MED13L: variants seen among roughly 807,000 people sequenced by gnomAD.
MED13L encodes mediator complex subunit 13L.
MED13L carries 7 observed loss-of-function variants against 220.9 expected under a neutral mutation model. The ratio of observed to expected loss-of-function variants is 0.03; its 90% CI spans 0.02 to 0.06. MED13L has a LOEUF of 0.06. MED13L is among the 10% of genes least tolerant of loss of function. MED13L has a pLI of 1.00. For synonymous variants in MED13L, 1,011 were observed against 1,015.2 expected, an observed-to-expected ratio of 1.00 and a Z score of 0.08; for missense variants, 1,965 against 2,760.5, an observed-to-expected ratio of 0.71 and a Z score of 6.46.
intron 2 of MED13L, among the ~76,000 whole-genome samples, chr12:116,184,092 A>T (rs1880722268): frequency 6.6e-6 from 1 of 152,168 alleles, no homozygotes; most frequent in Non-Finnish European, 1.5e-5. Context: ...AATCCAATGA[A>T]CTGATTTTAA....
intron 2 of MED13L, among the ~76,000 whole-genome samples, chr12:116,181,984 C>T (rs919343387): frequency 3.4e-4 from 52 of 152,132 alleles, no homozygotes; most frequent in African/African-American, 1.2e-3. Context: ...GACCTAAAAC[C>T]ATATTGCAAA....
At chr12:116,202,705 T>C (rs1565926284) in intron 2 of MED13L, among the ~76,000 whole-genome samples, 2 of 152,248 alleles carry the variant, frequency 1.3e-5, no homozygotes, top group Non-Finnish European at 1.5e-5. Context: ...GGAACTCCCC[T>C]CTCTCTAAAA....
chr12:116,113,935 A>C (rs1364419117), intron 2 of MED13L, among the ~76,000 whole-genome samples: 1 of 152,058 alleles, frequency 6.6e-6, no homozygotes, highest in African/African-American at 2.4e-5. Flanking sequence ...TAAATTCCTA[A>C]GCCAAATAAT....
chr12:116,080,662 T>C (rs1261775617), intron 4 of MED13L, among the ~76,000 whole-genome samples: 1 of 152,224 alleles, frequency 6.6e-6, no homozygotes, highest in East Asian at 1.9e-4. Flanking sequence ...GAAACGTTTT[T>C]TCCGTGGTAG....
chr12:116,220,736 A>T (rs1222349556), intron 2 of MED13L, among the ~76,000 whole-genome samples: 1 of 152,176 alleles, frequency 6.6e-6, no homozygotes. Flanking sequence ...TTTTGCTTTG[A>T]TATACATATA....
chr12:115,972,385 ATAG>A, intron 25 of MED13L, 149 bp from the exon 26 acceptor site: 1 of 876,578 alleles, frequency 1.1e-6, no homozygotes, highest in Non-Finnish European at 1.8e-6. Context: ...CCTCCTTGCT[ATAG>A]AGAATGTTAC....
chr12:116,164,004 T>G (rs1234561893), intron 2 of MED13L, among the ~76,000 whole-genome samples: 1 of 152,098 alleles, frequency 6.6e-6, no homozygotes, highest in Non-Finnish European at 1.5e-5. Flanking sequence ...AAAAGGGAAA[T>G]ATTTTAAGTT....
At chr12:116,247,692 T>C (rs1449702319) in intron 1 of MED13L, among the ~76,000 whole-genome samples, 3 of 152,084 alleles carry the variant, frequency 2.0e-5, no homozygotes, top group Admixed American at 6.6e-5. Flanking sequence ...TGCTAACGTA[T>C]ATATATATAC....
chr12:115,972,418 A>G, intron 25 of MED13L, 182 bp from the exon 26 acceptor site: 3 of 705,806 alleles, frequency 4.3e-6, no homozygotes, highest in Non-Finnish European at 7.2e-6. Flanking sequence ...ATTACACTTC[A>G]TTAACAAAGG....
In MED13L at chr12:116,102,704, T is replaced by C. The variant is rs867535587; in HGVS notation, c.396-5952A>G. Among the ~76,000 whole-genome samples the C allele has an allele frequency of 3.3e-3, 268 of 81,828 alleles. 5 individuals carry two copies. The highest frequency in any genetic ancestry group is 0.014 in the Middle Eastern group (2 of 146). 53.7% of individuals were successfully genotyped at this position (81,828 alleles called of 152,430 possible). On this transcript the variant is annotated intron_variant, in intron 3 of 30. Coordinates refer to ENST00000281928, the MANE Select transcript of MED13L (RefSeq NM_015335.5). ...TCCCTATATTTTCTTTTTCTTTTTC[T>C]TTTTTCTTTTTTTTTTTTTTTTTTT...
chr12:116,115,253 C>A (rs1874410067), intron 2 of MED13L, among the ~76,000 whole-genome samples: 1 of 152,048 alleles, frequency 6.6e-6, no homozygotes, highest in South Asian at 2.1e-4. Flanking sequence ...GCCACAAATT[C>A]ATTTTTTTTA....
In MED13L at chr12:116,145,037, A is replaced by G. The variant is rs543203922; in HGVS notation, c.311-33525T>C. On this transcript the variant is annotated intron_variant, in intron 2 of 30. Coordinates refer to ENST00000281928, the MANE Select transcript of MED13L (RefSeq NM_015335.5). ...GTTGTCAGTACACTGACTTCACATT[A>G]TGATCCTATTTTCTTCATATGGCCA... is the stretch of plus-strand genomic sequence containing the variant. Among the ~76,000 whole-genome samples, 3 of 152,330 alleles carry G rather than the reference A, an allele frequency of 2.0e-5. No individual in the cohort carries two copies. In the South Asian group the frequency reaches 6.2e-4, roughly 32 times the overall value.
chr12:115,987,552 G>T (rs573504772), intron 17 of MED13L, among the ~76,000 whole-genome samples: 1 of 152,188 alleles, frequency 6.6e-6, no homozygotes, highest in East Asian at 1.9e-4. Flanking sequence ...GTTTAAAAGT[G>T]GAAAAATGGA....
rs560088148 is a variant in MED13L at position 116,194,187 on chromosome 12, C to CA, written c.310+43280dup. Reference sequence around the variant, plus strand: ...CCCTACTTCTTTTTTTCTTTTGAGACAGAGTTTCGCTCTTTTTGTCCAACC... The same window carrying CA: ...CCCTACTTCTTTTTTTCTTTTGAGACAAGAGTTTCGCTCTTTTTGTCCAACC... On this transcript the variant is annotated intron_variant, in intron 2 of 30. Coordinates refer to ENST00000281928, the MANE Select transcript of MED13L (RefSeq NM_015335.5). Among the ~76,000 whole-genome samples, 518 of 151,834 alleles carry CA rather than the reference C, an allele frequency of 3.4e-3. 4 individuals are homozygous for CA. Among genetic ancestry groups the CA allele is most frequent in the Non-Finnish European group, 5.6e-3 (380 of 67,938 alleles).
chr12:116,097,591 G>A (rs1411805625), intron 3 of MED13L, among the ~76,000 whole-genome samples: 3 of 152,062 alleles, frequency 2.0e-5, no homozygotes, highest in Non-Finnish European at 4.4e-5. Flanking sequence ...CTTTTTGTAG[G>A]CACAATAAAG....
chr12:116,168,511 C>T (rs1593123148), intron 2 of MED13L, among the ~76,000 whole-genome samples: 1 of 152,268 alleles, frequency 6.6e-6, no homozygotes. Flanking sequence ...ATCCTGTGTT[C>T]ACCTAGCAAC....
chr12:115,996,714 T>C (rs1012330863), intron 15 of MED13L, 33 bp from the exon 16 acceptor site: 2 of 1,561,812 alleles, frequency 1.3e-6, no homozygotes, highest in Non-Finnish European at 1.8e-6. Flanking sequence ...GTGTTAATAT[T>C]GGTAAACTCT....
intron 4 of MED13L, among the ~76,000 whole-genome samples, chr12:116,091,815 C>A (rs1593033791): frequency 6.6e-6 from 1 of 152,224 alleles, no homozygotes; most frequent in African/African-American, 2.4e-5. Flanking sequence ...GCTGATCAAT[C>A]TTGAAACTTT....
chr12:116,149,433 C>A (rs1877857200), intron 2 of MED13L, among the ~76,000 whole-genome samples: 1 of 152,192 alleles, frequency 6.6e-6, no homozygotes. Context: ...GATTGATTAA[C>A]CTCATCTTCC....
Sources: gnomAD v4.1 joint callset for allele counts (sites outside exome capture counted in the v4.1 genomes callset) on GRCh38, gnomAD v4.1.1 for gene constraint, MANE v1.5 for transcripts, NCBI Gene and HGNC (gene_info 2026-07-23, HGNC 2026-07-21) for gene names.